Variants in SNTG1 observed in about 807,000 individuals in gnomAD.
SNTG1 encodes the protein gamma-1-syntrophin.
A neutral mutation model predicts 74.7 loss-of-function variants in SNTG1; 39 were observed. The ratio of observed to expected loss-of-function variants is 0.52; its 90% confidence interval spans 0.40 to 0.68. The LOEUF is 0.68. Among genes scored for constraint, SNTG1 ranks in the 30% least tolerant of loss-of-function variants. The pLI is 0.00. For synonymous variants in SNTG1, 254 were observed against 217.1 expected (o/e 1.17, Z -1.49); for missense variants, 685 against 609.5 (o/e 1.12, Z -1.30).
At position 49,975,864 on chromosome 8, in the gene SNTG1, G is replaced by A. The variant is rs575453869; in HGVS notation, c.-103+63633G>A. On this transcript the variant is annotated intron_variant, in intron 1 of 18. Transcript: ENST00000642720. Reference sequence around the variant, plus strand: ...GATAAATTAATGGGATTGAGAATTTGTTAAATTGACTTTTCTTCAACATTT... The same window carrying A: ...GATAAATTAATGGGATTGAGAATTTATTAAATTGACTTTTCTTCAACATTT... 2.6e-5 allele frequency among the ~76,000 whole-genome samples: 4 copies of A among 151,956 alleles called. No homozygotes were observed. The South Asian group carries it at 8.3e-4, about 32-fold the overall frequency.
At chr8:50,010,750 C>G (rs918896222) in intron 1 of SNTG1, among the ~76,000 whole-genome samples, 3 of 144,534 alleles carry the variant, frequency 2.1e-5, no homozygotes, top group South Asian at 2.2e-4. Flanking sequence ...AACTGGGTGA[C>G]TATTTACCTG....
intron 2 of SNTG1, among the ~76,000 whole-genome samples, chr8:50,215,027 T>G (rs1426327539): frequency 4.6e-5 from 7 of 152,100 alleles, no homozygotes; most frequent in Non-Finnish European, 1.0e-4. Flanking sequence ...ATTCTGAGAA[T>G]CAAAATGCTG....
intron 2 of SNTG1, among the ~76,000 whole-genome samples, chr8:50,366,587 T>C (rs930667700): frequency 6.6e-6 from 1 of 150,984 alleles, no homozygotes; most frequent in African/African-American, 2.4e-5. Flanking sequence ...ATAAGCACTA[T>C]GTAATTGATT....
At chr8:50,281,150 G>A (rs1009309045) in intron 2 of SNTG1, among the ~76,000 whole-genome samples, 6 of 152,130 alleles carry the variant, frequency 3.9e-5, no homozygotes, top group Non-Finnish European at 7.4e-5. Context: ...CCTCCTACAT[G>A]TTATGTGGTG....
chr8:50,372,260 T>C (rs1200248206), intron 2 of SNTG1, among the ~76,000 whole-genome samples: 1 of 151,936 alleles, frequency 6.6e-6, no homozygotes, highest in Admixed American at 6.6e-5. Flanking sequence ...TCCTTTGCCA[T>C]TTTATTTTAT....
intron 1 of SNTG1, among the ~76,000 whole-genome samples, chr8:49,978,095 G>C (rs945252142): frequency 6.6e-6 from 1 of 152,330 alleles, no homozygotes; most frequent in African/African-American, 2.4e-5. Flanking sequence ...CCTAATGGAC[G>C]TTGGGATGTT....
At chr8:50,154,109 C>T (rs536686080) in intron 1 of SNTG1, among the ~76,000 whole-genome samples, 341 of 152,218 alleles carry the variant, frequency 2.2e-3, no homozygotes, top group Non-Finnish European at 3.8e-3. Flanking sequence ...ATGGTGGGCA[C>T]CCCTCCCCCA....
chr8:50,083,251 G>T (rs1010874748), intron 1 of SNTG1, among the ~76,000 whole-genome samples: 7 of 152,202 alleles, frequency 4.6e-5, no homozygotes, highest in South Asian at 2.1e-4. Flanking sequence ...CTGCTGATTT[G>T]ACCGTTTGTT....
At chr8:50,193,805 G>A (rs2083665355) in intron 2 of SNTG1, among the ~76,000 whole-genome samples, 1 of 152,210 alleles carries the variant, frequency 6.6e-6, no homozygotes, top group African/African-American at 2.4e-5. Flanking sequence ...TTGGCTGTGG[G>A]TTTGTCCTAG....
At chr8:49,960,450 C>T (rs536528510) in intron 1 of SNTG1, among the ~76,000 whole-genome samples, 64 of 152,016 alleles carry the variant, frequency 4.2e-4, no homozygotes, top group African/African-American at 1.4e-3. Context: ...GAATTGATTG[C>T]TAAAAGATGG....
At chr8:50,588,932 T>C (rs1405451804) in intron 12 of SNTG1, among the ~76,000 whole-genome samples, 1 of 151,980 alleles carries the variant, frequency 6.6e-6, no homozygotes, top group Non-Finnish European at 1.5e-5. Context: ...AGTTTTTACA[T>C]ATTATTATTA....
intron 1 of SNTG1, among the ~76,000 whole-genome samples, chr8:49,984,155 A>G (rs951731424): frequency 1.3e-5 from 2 of 152,070 alleles, no homozygotes; most frequent in African/African-American, 2.4e-5. Flanking sequence ...TCTAAACAAT[A>G]TATTTCTCTT....
chr8:50,346,213 C>A (rs556816219), intron 2 of SNTG1, among the ~76,000 whole-genome samples: 56 of 152,352 alleles, frequency 3.7e-4, no homozygotes, highest in Non-Finnish European at 3.1e-4. Context: ...AGTTAATCAA[C>A]ACCATTTTCC....
intron 1 of SNTG1, among the ~76,000 whole-genome samples, chr8:50,088,137 T>C (rs1190450786): frequency 6.6e-6 from 1 of 150,808 alleles, no homozygotes; most frequent in Non-Finnish European, 1.5e-5. Flanking sequence ...CTGCATAGTA[T>C]TCCATGGCGT....
At chr8:50,692,034 A>G (rs1023334696) in intron 15 of SNTG1, among the ~76,000 whole-genome samples, 1 of 151,942 alleles carries the variant, frequency 6.6e-6, no homozygotes, top group Non-Finnish European at 1.5e-5. Context: ...CTTCCAGTTG[A>G]TCTCATCAGC....
chr8:50,000,774 T>A (rs556481452), intron 1 of SNTG1, among the ~76,000 whole-genome samples: 3 of 152,232 alleles, frequency 2.0e-5, no homozygotes, highest in Non-Finnish European at 4.4e-5. Context: ...TTAATGTACT[T>A]CCTTTTATTC....
chr8:50,750,565 G>A (rs1585705210), intron 17 of SNTG1, among the ~76,000 whole-genome samples: 1 of 151,990 alleles, frequency 6.6e-6, no homozygotes, highest in African/African-American at 2.4e-5. Context: ...CTTATTTTAA[G>A]AAATTGTCAC....
intron 1 of SNTG1, among the ~76,000 whole-genome samples, chr8:50,065,839 G>GT (rs1462635868): frequency 2.6e-5 from 4 of 152,114 alleles, no homozygotes; most frequent in Admixed American, 1.3e-4. Context: ...TTTACTCAAG[G>GT]TGTAGATATC....
chr8:50,182,589 G>A (rs1232554705), intron 2 of SNTG1, among the ~76,000 whole-genome samples: 4 of 151,996 alleles, frequency 2.6e-5, no homozygotes, highest in Admixed American at 6.6e-5. Context: ...GCAACAGGAA[G>A]CATTTTTTCA....
Sources: gnomAD v4.1 joint callset for allele counts (sites outside exome capture counted in the v4.1 genomes callset) on GRCh38, gnomAD v4.1.1 for gene constraint, MANE v1.5 for transcripts, NCBI Gene and HGNC (gene_info 2026-07-23, HGNC 2026-07-21) for gene names.